Variants in VPS13C observed in about 807,000 individuals in gnomAD.
VPS13C encodes the protein vacuolar protein sorting 13 homolog C.
VPS13C carries 358 observed loss-of-function variants against 456.8 expected under a neutral mutation model. The observed-to-expected ratio is 0.78, with a 90% CI of 0.72 to 0.86. VPS13C has a LOEUF of 0.86. Ranked by LOEUF, VPS13C falls within the 40% of genes least tolerant of loss-of-function variation. The pLI, the probability that VPS13C is intolerant of heterozygous loss-of-function variation, is 0.00. For missense variants in VPS13C, 4,818 were observed against 4,385.4 expected (o/e 1.10, Z -2.79); for synonymous variants, 1,578 against 1,486.7 (o/e 1.06, Z -1.41).
chr15:61,972,214 A>G (rs2140352912), intron 27 of VPS13C, among the ~76,000 whole-genome samples: 1 of 152,356 alleles, frequency 6.6e-6, no homozygotes, highest in African/African-American at 2.4e-5. Context: ...AAGGCTGTAA[A>G]CGTATGTTGG....
intron 82 of VPS13C, among the ~76,000 whole-genome samples, chr15:61,861,951 T>C (rs1284477581): frequency 2.0e-5 from 3 of 151,992 alleles, no homozygotes; most frequent in African/African-American, 7.2e-5. Context: ...AATACAAAAA[T>C]TAGCTGGGCA....
chr15:61,931,098 T>G lies in VPS13C; in HGVS notation c.6030A>C (p.Ala2010=). The G allele has an allele frequency of 6.2e-7, 1 of 1,614,068 alleles. No individual in the cohort carries two copies. The highest frequency in any genetic ancestry group is 8.5e-7 in the Non-Finnish European group (1 of 1,180,018). The change falls in exon 50 of 85, where the codon GCA becomes GCC. Residue 2010 remains alanine (A), a synonymous_variant. Transcript: ENST00000644861. ...LDDLREGIER[A]TSRMIDRKND... is the part of the protein sequence containing the mutation. Reference sequence around the variant, plus strand: ...ACTCAGAGCTGACAAACCTCGATGTTGCTCTCTCAATTCCTTCTCTGAGAT... The same window carrying G: ...ACTCAGAGCTGACAAACCTCGATGTGGCTCTCTCAATTCCTTCTCTGAGAT...
At chr15:61,991,528 C>T in intron 17 of VPS13C, 145 bp downstream of exon 17, 2 of 789,632 alleles carry the variant, frequency 2.5e-6, no homozygotes, top group Non-Finnish European at 3.6e-6. Flanking sequence ...AATATTCCAG[C>T]CTGATGTATT....
intron 16 of VPS13C, among the ~76,000 whole-genome samples, chr15:61,994,078 T>C (rs936469687): frequency 2.0e-5 from 3 of 152,180 alleles, no homozygotes; most frequent in Non-Finnish European, 2.9e-5. Flanking sequence ...CTTCACTTCC[T>C]TCTCTGTCCA....
At chr15:61,988,064 C>A (rs973029711) in intron 18 of VPS13C, among the ~76,000 whole-genome samples, 1 of 152,150 alleles carries the variant, frequency 6.6e-6, no homozygotes, top group African/African-American at 2.4e-5. Context: ...GAACAATCTA[C>A]AGACACATAC....
In VPS13C at chr15:61,962,496, C is replaced by G. The variant is rs1180529125; in HGVS notation, c.3478G>C (p.Asp1160His). Reference protein sequence around the residue: ...MGNEVFRFNLDLYPDATEGDL... With the variant: ...MGNEVFRFNLHLYPDATEGDL... ...CCCTCAGTAGCATCTGGATACAAAT[C>G]CAAATTAAAACGGAAAACTTCATTT... The change falls in exon 34 of 85, where the codon GAT (aspartate) becomes CAT (histidine). Residue 1160 changes from aspartate (D) to histidine (H), a missense_variant. Asp to His is a moderately conservative substitution (Grantham distance 81). This residue lies in a region of VPS13C where 4,552 missense variants were observed against 4,130.6 expected (regional missense o/e 1.10). Coordinates refer to ENST00000644861, the MANE Select transcript of VPS13C (RefSeq NM_020821.3). The G allele has an allele frequency of 6.2e-7, 1 of 1,610,370 alleles. No individual in the cohort carries two copies. The highest frequency in any genetic ancestry group is 2.2e-5 in the East Asian group (1 of 44,692).
At chr15:62,053,763 TC>T in intron 1 of VPS13C, among the ~76,000 whole-genome samples, 1 of 152,308 alleles carries the variant, frequency 6.6e-6, no homozygotes, top group East Asian at 1.9e-4. Flanking sequence ...GTGTTCATTC[TC>T]CTTTCTTATG....
rs769690336 is a variant in VPS13C at position 61,897,860 on chromosome 15, G to A, written c.9106-7460C>T. On this transcript the variant is annotated intron_variant, in intron 66 of 84. Coordinates refer to ENST00000644861, the MANE Select transcript of VPS13C (RefSeq NM_020821.3). ...TTAAGGGCAGCCAGAGAGAAAGGTCGGGTTACCCACAAAGGGAAGCCCATC... is the reference window on the plus strand; with the variant it reads ...TTAAGGGCAGCCAGAGAGAAAGGTCAGGTTACCCACAAAGGGAAGCCCATC... 1.9e-3 allele frequency among the ~76,000 whole-genome samples: 294 copies of A among 152,158 alleles called. 1 individual carries two copies. The highest frequency in any genetic ancestry group is 3.1e-3 in the Non-Finnish European group (209 of 67,986).
At chr15:61,994,731 A>G (rs1296830349) in intron 16 of VPS13C, among the ~76,000 whole-genome samples, 2 of 151,982 alleles carry the variant, frequency 1.3e-5, no homozygotes, top group African/African-American at 4.8e-5. Context: ...CTGAGATTAC[A>G]TGTGTGTGCC....
At chr15:61,981,555 G>GAGTTT in intron 21 of VPS13C, 77 bp from the exon 22 acceptor site, 1 of 1,420,648 alleles carries the variant, frequency 7.0e-7, no homozygotes, top group Non-Finnish European at 9.3e-7. Context: ...ACTAGAATAA[G>GAGTTT]AGTTTTACTT....
At chr15:62,017,244 A>C (rs1357985794) in intron 9 of VPS13C, among the ~76,000 whole-genome samples, 8 of 151,986 alleles carry the variant, frequency 5.3e-5, no homozygotes, top group Non-Finnish European at 1.5e-5. Flanking sequence ...TTGCCTATTC[A>C]CTCTGATGAT....
chr15:61,916,471 G>A (rs1375465619), intron 60 of VPS13C, among the ~76,000 whole-genome samples: 3 of 152,092 alleles, frequency 2.0e-5, no homozygotes, highest in Admixed American at 6.5e-5. Context: ...TTACTCTGAC[G>A]AGTTATCTAA....
At chr15:61,980,416 G>A (rs972511050) in intron 22 of VPS13C, among the ~76,000 whole-genome samples, 2 of 152,098 alleles carry the variant, frequency 1.3e-5, no homozygotes, top group African/African-American at 2.4e-5. Context: ...GATAGCATCC[G>A]CTTATTGTGA....
intron 5 of VPS13C, 137 bp from the exon 6 acceptor site, chr15:62,028,557 C>G: frequency 2.6e-6 from 2 of 768,858 alleles, no homozygotes; most frequent in South Asian, 4.0e-5. Flanking sequence ...TTGGTGACAC[C>G]AAAACTATTT....
intron 1 of VPS13C, 139 bp from the exon 2 acceptor site, chr15:62,044,394 C>G: frequency 2.0e-6 from 1 of 505,362 alleles, no homozygotes; most frequent in Non-Finnish European, 3.5e-6. Context: ...AAGAGGCTAC[C>G]CGGCACAAAA....
At chr15:62,005,495 T>C (rs1008681225) in intron 15 of VPS13C, among the ~76,000 whole-genome samples, 42 of 152,114 alleles carry the variant, frequency 2.8e-4, no homozygotes, top group African/African-American at 9.9e-4. Flanking sequence ...TGTCTTTTAA[T>C]TGGAGCATTT....
chr15:61,945,644 A>G, intron 45 of VPS13C, 71 bp downstream of exon 45: 1 of 1,275,482 alleles, frequency 7.8e-7, no homozygotes, highest in Non-Finnish European at 1.1e-6. Flanking sequence ...GATTTTTACT[A>G]TCTAGGTTCA....
At chr15:61,855,667 C>G (rs2140830461) in intron 83 of VPS13C, among the ~76,000 whole-genome samples, 1 of 152,016 alleles carries the variant, frequency 6.6e-6, no homozygotes, top group African/African-American at 2.4e-5. Flanking sequence ...ATAGAAATAA[C>G]ATTATTGTTT....
chr15:61,912,259 C>T (rs922581402), intron 62 of VPS13C, among the ~76,000 whole-genome samples: 3 of 152,122 alleles, frequency 2.0e-5, no homozygotes, highest in South Asian at 4.1e-4. Flanking sequence ...AGATTTAATA[C>T]GTCTAGCATT....
Sources: allele counts gnomAD v4.1 joint callset (sites outside exome capture counted in the v4.1 genomes callset), GRCh38; gene constraint gnomAD v4.1.1; regional missense constraint gnomAD v4.1.1; transcripts MANE v1.5; gene names NCBI Gene and HGNC (gene_info 2026-07-23, HGNC 2026-07-21).